The following ADGRL3 variants were observed in gnomAD, a reference collection of about 807,000 sequenced individuals.
ADGRL3 encodes adhesion G protein-coupled receptor L3, also known as calcium-independent alpha-latrotoxin receptor 3.
Under a neutral mutation model 153.5 loss-of-function variants are expected in ADGRL3, and 62 were observed. That is an observed-to-expected ratio of 0.40 (90% confidence interval 0.33 to 0.50). The LOEUF (loss-of-function observed/expected upper bound fraction) is 0.50, where lower values mean the gene tolerates loss of function less well. ADGRL3 is among the 20% of genes least tolerant of loss of function. The pLI, the probability that ADGRL3 is intolerant of heterozygous loss-of-function variation, is 0.47. For synonymous variants in ADGRL3, 710 were observed against 672.5 expected, an observed-to-expected ratio of 1.06 and a Z score of -0.86; for missense variants, 1,641 against 1,859.4, an observed-to-expected ratio of 0.88 and a Z score of 2.16.
intron 1 of ADGRL3, among the ~76,000 whole-genome samples, chr4:61,222,243 C>G (rs937082755): frequency 2.0e-5 from 3 of 152,042 alleles, no homozygotes; most frequent in Non-Finnish European, 4.4e-5. Context: ...CTTATCTTTA[C>G]CTTTCTTTTA....
intron 5 of ADGRL3, among the ~76,000 whole-genome samples, chr4:61,648,349 C>CTTTTTTTTTT (rs34166403): frequency 7.0e-5 from 7 of 99,652 alleles, no homozygotes; most frequent in Non-Finnish European, 1.2e-4. Flanking sequence ...ATGAAATCGG[C>CTTTTTTTTTT]TTTTTTTTTT....
At chr4:61,510,657 T>C (rs1208025075) in intron 3 of ADGRL3, among the ~76,000 whole-genome samples, 1 of 152,196 alleles carries the variant, frequency 6.6e-6, no homozygotes, top group Non-Finnish European at 1.5e-5. Flanking sequence ...TTTTGGTCAT[T>C]GTAGCCTTAT....
chr4:62,019,930 C>T (rs564318123), intron 21 of ADGRL3, among the ~76,000 whole-genome samples: 31 of 152,162 alleles, frequency 2.0e-4, no homozygotes, highest in Middle Eastern at 6.8e-3. Flanking sequence ...ATTGTGGAGG[C>T]GAGAAAACTG....
At chr4:61,222,300 T>G (rs1199371760) in intron 1 of ADGRL3, among the ~76,000 whole-genome samples, 1 of 152,148 alleles carries the variant, frequency 6.6e-6, no homozygotes, top group Non-Finnish European at 1.5e-5. Flanking sequence ...GTTTTTGTTT[T>G]TATTTTATTT....
chr4:61,795,276 A>G (rs1192677435), intron 8 of ADGRL3, among the ~76,000 whole-genome samples: 1 of 152,092 alleles, frequency 6.6e-6, no homozygotes, highest in Non-Finnish European at 1.5e-5. Flanking sequence ...TACAGGCACA[A>G]TCCACTATGC....
chr4:61,646,933 C>T (rs890087293), intron 5 of ADGRL3, among the ~76,000 whole-genome samples: 6 of 152,284 alleles, frequency 3.9e-5, no homozygotes, highest in East Asian at 3.9e-4. Context: ...AGCGAGACTC[C>T]GTGGGCGTAG....
chr4:61,689,042 G>A (rs1047947379), intron 6 of ADGRL3, among the ~76,000 whole-genome samples: 1 of 152,132 alleles, frequency 6.6e-6, no homozygotes, highest in Non-Finnish European at 1.5e-5. Context: ...GCTCACTGTA[G>A]CATCAGGCAA....
intron 2 of ADGRL3, among the ~76,000 whole-genome samples, chr4:61,428,938 TATC>T (rs2097322213): frequency 6.8e-6 from 1 of 148,126 alleles, no homozygotes; most frequent in African/African-American, 2.5e-5. Flanking sequence ...TCTATCTATC[TATC>T]TGTCATTCCA....
chr4:61,624,318 G>A (rs1251491084), intron 5 of ADGRL3, among the ~76,000 whole-genome samples: 3 of 152,054 alleles, frequency 2.0e-5, no homozygotes. Flanking sequence ...AGAGTCTAAG[G>A]GAGCTATGAT....
intron 3 of ADGRL3, 49 bp from the exon 4 acceptor site, chr4:61,517,266 G>A (rs1340710411): frequency 4.3e-6 from 3 of 694,538 alleles, no homozygotes; most frequent in Non-Finnish European, 7.9e-6. Context: ...CCCCTGAGGC[G>A]GGACTGAGGT....
At chr4:61,401,563 A>G (rs1449636163) in intron 2 of ADGRL3, among the ~76,000 whole-genome samples, 1 of 152,030 alleles carries the variant, frequency 6.6e-6, no homozygotes, top group Non-Finnish European at 1.5e-5. Context: ...AGAGTGATTT[A>G]TTGAATAACT....
chr4:61,778,507 CTT>C (rs1282269982), intron 8 of ADGRL3, among the ~76,000 whole-genome samples: 1 of 152,126 alleles, frequency 6.6e-6, no homozygotes, highest in African/African-American at 2.4e-5. Flanking sequence ...AGAGGTGAAA[CTT>C]TAAAATTTTT....
At chr4:61,890,442 T>A (rs1402695564) in intron 9 of ADGRL3, among the ~76,000 whole-genome samples, 1 of 150,928 alleles carries the variant, frequency 6.6e-6, no homozygotes, top group East Asian at 2.0e-4. Context: ...AAGTTCAAGG[T>A]CAAGGGGCCC....
rs575700582 is a variant in ADGRL3 at position 61,262,128 on chromosome 4, C to T, written c.-240+60363C>T. 6.0e-4 allele frequency among the ~76,000 whole-genome samples: 91 copies of T among 152,268 alleles called. 1 individual carries two copies. Among genetic ancestry groups the T allele is most frequent in the Admixed American group, 5.8e-3 (89 of 15,298 alleles). On this transcript the variant is annotated intron_variant, in intron 1 of 26. Transcript: ENST00000683033. Reference sequence around the variant, plus strand: ...ATCTCTGAGCGTCATCTTTGCTATGCTCACGTTATAATAATGATTTTTACA... The same window carrying T: ...ATCTCTGAGCGTCATCTTTGCTATGTTCACGTTATAATAATGATTTTTACA...
rs118055874 is a variant in ADGRL3 at position 61,723,449 on chromosome 4, C to T, written c.584-7173C>T. Among the ~76,000 whole-genome samples the T allele has an allele frequency of 3.7e-3, 558 of 152,174 alleles. 9 individuals carry two copies. The highest frequency in any genetic ancestry group is 0.025 in the Admixed American group (389 of 15,280). On this transcript the variant is annotated intron_variant, in intron 6 of 26. Transcript: ENST00000683033. ...CTCCCCCATACAGAGGGAGTGGGGG[C>T]TCTGAACAGATAAAAACCCCTGCCC...
At chr4:61,617,525 T>C (rs2092132850) in intron 5 of ADGRL3, among the ~76,000 whole-genome samples, 1 of 152,156 alleles carries the variant, frequency 6.6e-6, no homozygotes, top group African/African-American at 2.4e-5. Context: ...TTCTTGCACC[T>C]CTTAGATTTT....
At chr4:61,684,767 G>C (rs1425531111) in intron 6 of ADGRL3, among the ~76,000 whole-genome samples, 2 of 91,946 alleles carry the variant, frequency 2.2e-5, no homozygotes, top group Non-Finnish European at 4.9e-5. Context: ...TTTTCTGTTT[G>C]TTGTATTTTT....
chr4:61,748,569 A>T (rs2096706102), intron 8 of ADGRL3, among the ~76,000 whole-genome samples: 1 of 152,138 alleles, frequency 6.6e-6, no homozygotes, highest in African/African-American at 2.4e-5. Context: ...ATCTACAACT[A>T]TCTGATCTTT....
At chr4:61,266,331 T>G (rs2092842913) in intron 1 of ADGRL3, among the ~76,000 whole-genome samples, 1 of 151,822 alleles carries the variant, frequency 6.6e-6, no homozygotes, top group Admixed American at 6.6e-5. Flanking sequence ...CATCTTTAAA[T>G]GCATTTGTAG....
Sources: allele counts gnomAD v4.1 joint callset (sites outside exome capture counted in the v4.1 genomes callset), GRCh38; gene constraint gnomAD v4.1.1; transcripts MANE v1.5; gene names NCBI Gene and HGNC (gene_info 2026-07-23, HGNC 2026-07-21).